Variants in FRMPD4 observed in about 807,000 individuals in gnomAD.
FRMPD4 encodes FERM and PDZ domain-containing protein 4.
Under a neutral mutation model 94.1 loss-of-function variants are expected in FRMPD4, and 22 were observed. The observed-to-expected ratio is 0.23, with a 90% CI of 0.17 to 0.33. The LOEUF is 0.33. FRMPD4 is among the 10% of genes least tolerant of loss of function. FRMPD4 has a pLI of 1.00. For missense variants in FRMPD4, 1,111 were observed against 1,339.9 expected (o/e 0.83, Z 2.67); for synonymous variants, 631 against 548.6 (o/e 1.15, Z -2.10).
At chrX:12,584,969 G>A (rs750038348) in intron 2 of FRMPD4, among the ~76,000 whole-genome samples, 8 of 111,277 alleles carry the variant, frequency 7.2e-5, no homozygotes, top group Non-Finnish European at 1.3e-4. Context: ...TGCTCATGCT[G>A]GAGTGCAGTG....
At position 12,707,620 on chromosome X, in the gene FRMPD4, T is replaced by C; in HGVS notation, c.1439T>C (p.Val480Ala). The stretch of plus-strand genomic sequence containing the variant: ...ATGTTTTCCGAGGAGGAGAGCTTGG[T>C]GCGGGTAGAACTCCACGTGCTAGAT... ...IEMFSEEESL[V>A]RVELHVLDVK... Residue 480 changes from valine to alanine, a missense_variant, in exon 13 of 17, where the codon GTG becomes GCG. By Grantham distance (64) the Val-to-Ala change is moderately conservative. This residue lies in a region of FRMPD4 where 111 missense variants were observed against 160.7 expected (regional missense o/e 0.69). Transcript: ENST00000675598. 8.3e-7 allele frequency: 1 copy of C among 1,209,805 alleles called. No individual in the cohort carries two copies. The highest frequency in any genetic ancestry group is 1.1e-6 in the Non-Finnish European group (1 of 894,418).
intron 1 of FRMPD4, among the ~76,000 whole-genome samples, chrX:12,289,913 A>G (rs1260204477): frequency 8.9e-6 from 1 of 112,175 alleles, no homozygotes; most frequent in Non-Finnish European, 1.9e-5. Context: ...TTGGTAAGGA[A>G]GTAATGTCAT....
intron 1 of FRMPD4, among the ~76,000 whole-genome samples, chrX:12,304,608 G>GT (rs1452480831): frequency 9.0e-6 from 1 of 111,527 alleles, no homozygotes; most frequent in African/African-American, 3.3e-5. Flanking sequence ...GGACAAGGAG[G>GT]TGTAGATTTC....
intron 1 of FRMPD4, among the ~76,000 whole-genome samples, chrX:12,231,848 A>C (rs1343440216): frequency 6.7e-5 from 3 of 44,903 alleles, no homozygotes; most frequent in Non-Finnish European, 8.6e-5. Flanking sequence ...AATAGAGAAG[A>C]GAAGCACGTT....
chrX:12,100,307 G>A (rs2055244580), intron 3 of FRMPD4, among the ~76,000 whole-genome samples: 1 of 112,136 alleles, frequency 8.9e-6, no homozygotes, highest in East Asian at 2.8e-4. Flanking sequence ...TAATGAGTAA[G>A]TACCTACATA....
At position 12,364,208 on chromosome X, in the gene FRMPD4, A is replaced by G. The variant is rs542436526; in HGVS notation, c.42-134472A>G. ...AAAAGTGTGAGGTATAGTAAGGCCA[A>G]CAGATCAGGAGATGACTGCCACTGA... On this transcript the variant is annotated intron_variant, in intron 1 of 16. Coordinates refer to ENST00000675598, the MANE Select transcript of FRMPD4 (RefSeq NM_001368397.1). Among the ~76,000 whole-genome samples the G allele has an allele frequency of 8.1e-5, 9 of 111,550 alleles. No homozygotes were observed. The South Asian group carries it at 3.5e-3, about 43-fold the overall frequency.
chrX:12,419,980 C>G (rs1569269258), intron 1 of FRMPD4, among the ~76,000 whole-genome samples: 1 of 111,606 alleles, frequency 9.0e-6, no homozygotes, highest in Non-Finnish European at 1.9e-5. Context: ...AGGCTGGTGA[C>G]AGCTGTGTTC....
intron 3 of FRMPD4, among the ~76,000 whole-genome samples, chrX:11,997,858 C>A (rs1409983533): frequency 9.0e-6 from 1 of 111,003 alleles, no homozygotes; most frequent in East Asian, 2.8e-4. Flanking sequence ...GGCAATAATC[C>A]AAACTTTCAC....
At chrX:12,122,242 G>A (rs138580601) in intron 3 of FRMPD4, among the ~76,000 whole-genome samples, 2,275 of 111,446 alleles carry the variant, frequency 0.02, 19 homozygotes, top group Middle Eastern at 0.037. Context: ...GTACTAGGAA[G>A]GGCAGGGAAC....
chrX:12,394,073 T>C (rs1401540572), intron 1 of FRMPD4, among the ~76,000 whole-genome samples: 1 of 112,058 alleles, frequency 8.9e-6, no homozygotes, highest in Admixed American at 9.4e-5. Context: ...ATATAAGTTA[T>C]GTGTGATATA....
chrX:11,962,412 G>A (rs1194885641), intron 3 of FRMPD4, among the ~76,000 whole-genome samples: 1 of 111,851 alleles, frequency 8.9e-6, no homozygotes, highest in African/African-American at 3.3e-5. Context: ...CATGAGGGTA[G>A]AGTGCTCATG....
chrX:11,905,723 A>T (rs1030022859), intron 3 of FRMPD4, among the ~76,000 whole-genome samples: 1 of 111,658 alleles, frequency 9.0e-6, no homozygotes, highest in African/African-American at 3.3e-5. Context: ...AGGATCTTAT[A>T]AACAAGTGGG....
intron 3 of FRMPD4, among the ~76,000 whole-genome samples, chrX:11,906,981 T>G (rs1441965866): frequency 9.0e-6 from 1 of 111,119 alleles, no homozygotes; most frequent in East Asian, 2.8e-4. Context: ...TTCTCAGTTC[T>G]GCTACCAAGT....
intron 1 of FRMPD4, among the ~76,000 whole-genome samples, chrX:12,494,630 G>GGCGA (rs2057826760): frequency 9.0e-6 from 1 of 111,439 alleles, no homozygotes; most frequent in Non-Finnish European, 1.9e-5. Flanking sequence ...CTTCTCCTAG[G>GGCGA]GCGAGCTGGC....
At chrX:12,658,034 G>T (rs2059676328) in intron 4 of FRMPD4, among the ~76,000 whole-genome samples, 1 of 111,716 alleles carries the variant, frequency 9.0e-6, no homozygotes, top group African/African-American at 3.3e-5. Flanking sequence ...GGACAAGCAT[G>T]GGGCCTGGTG....
intron 1 of FRMPD4, among the ~76,000 whole-genome samples, chrX:12,409,011 G>A (rs2056699959): frequency 9.0e-6 from 1 of 111,217 alleles, no homozygotes; most frequent in African/African-American, 3.3e-5. Flanking sequence ...TGTATCCAAG[G>A]CAAAAAATTG....
At chrX:11,983,480 A>G (rs181928401) in intron 3 of FRMPD4, among the ~76,000 whole-genome samples, 15 of 111,833 alleles carry the variant, frequency 1.3e-4, no homozygotes, top group Admixed American at 2.8e-4. Context: ...CTTTTACTCA[A>G]TTTTGCCCTC....
At chrX:11,880,380 T>A (rs1315998910) in intron 3 of FRMPD4, among the ~76,000 whole-genome samples, 2 of 111,887 alleles carry the variant, frequency 1.8e-5, no homozygotes, top group Non-Finnish European at 3.8e-5. Flanking sequence ...AGATCATCAC[T>A]TATTGTTAGT....
At chrX:12,315,090 G>A (rs929494524) in intron 1 of FRMPD4, among the ~76,000 whole-genome samples, 4 of 111,906 alleles carry the variant, frequency 3.6e-5, no homozygotes, top group African/African-American at 1.3e-4. Flanking sequence ...ATTAGATGGT[G>A]TTACTACTTA....
Sources: allele counts gnomAD v4.1 joint callset (sites outside exome capture counted in the v4.1 genomes callset), GRCh38; gene constraint gnomAD v4.1.1; regional missense constraint gnomAD v4.1.1; transcripts MANE v1.5; gene names NCBI Gene and HGNC (gene_info 2026-07-23, HGNC 2026-07-21).